REDIC1: variants seen among roughly 807,000 people sequenced by gnomAD.
REDIC1 encodes regulator of DNA class I crossover intermediates 1, also known as HEI10 Interacting Protein 1.
chr12:39,764,652 G>A, the REDIC1 span: 1 of 1,582,088 alleles, frequency 6.3e-7, no homozygotes, highest in Admixed American at 1.9e-5. Flanking sequence ...AAAATAGCAT[G>A]TAAGAAATTT....
chr12:39,805,684 C>T, the REDIC1 span, among the ~76,000 whole-genome samples: 5 of 152,290 alleles, frequency 3.3e-5, no homozygotes, highest in African/African-American at 1.2e-4. Context: ...CTTAAATAAT[C>T]TGCTAATTAA....
the REDIC1 span, among the ~76,000 whole-genome samples, chr12:39,737,161 T>C: frequency 2.3e-4 from 35 of 152,348 alleles, 1 homozygote; most frequent in Admixed American, 2.0e-3. Context: ...ATAACTCCAG[T>C]TGGTGATATT....
the REDIC1 span, among the ~76,000 whole-genome samples, chr12:39,698,219 A>T: frequency 3.3e-5 from 5 of 152,182 alleles, no homozygotes; most frequent in Non-Finnish European, 5.9e-5. Flanking sequence ...ATGTTAAGAG[A>T]TGAGACCATT....
chr12:39,859,250 T>C, the REDIC1 span, among the ~76,000 whole-genome samples: 1 of 139,894 alleles, frequency 7.1e-6, no homozygotes, highest in Non-Finnish European at 1.5e-5. Flanking sequence ...GGTTTAACAA[T>C]GTTCAAGAAG....
At chr12:39,626,312 C>T in the REDIC1 span, 4 of 1,613,712 alleles carry the variant, frequency 2.5e-6, no homozygotes, top group Admixed American at 1.7e-5. Context: ...GACACAGGGA[C>T]CTCAGTGTCA....
chr12:39,749,162 T>C, the REDIC1 span, among the ~76,000 whole-genome samples: 1 of 152,062 alleles, frequency 6.6e-6, no homozygotes, highest in Non-Finnish European at 1.5e-5. Flanking sequence ...AAAAAATTGA[T>C]AGACCACTAG....
chr12:39,683,915 G>A, the REDIC1 span, among the ~76,000 whole-genome samples: 3 of 152,122 alleles, frequency 2.0e-5, no homozygotes, highest in Non-Finnish European at 4.4e-5. Context: ...ACTATAGGGA[G>A]TGATAGAATT....
the REDIC1 span, among the ~76,000 whole-genome samples, chr12:39,781,500 T>A: frequency 6.6e-6 from 1 of 152,236 alleles, no homozygotes; most frequent in Non-Finnish European, 1.5e-5. Context: ...AATACATATT[T>A]GTTTAATGAA....
chr12:39,807,199 G>A, the REDIC1 span, among the ~76,000 whole-genome samples: 1 of 152,164 alleles, frequency 6.6e-6, no homozygotes, highest in Non-Finnish European at 1.5e-5. Context: ...TTAAGGACAG[G>A]GCCACGTAGG....
At chr12:39,653,558 T>TTCTTCTTCTTTCTTCTTCTTCTTC in the REDIC1 span, among the ~76,000 whole-genome samples, 1 of 43,880 alleles carries the variant, frequency 2.3e-5, no homozygotes, top group Non-Finnish European at 5.4e-5. Context: ...CTTCTTCTTC[T>TTCTTCTTCTTTCTTCTTCTTCTTC]TTCTTCTTCT....
chr12:39,831,776 C>T, the REDIC1 span, among the ~76,000 whole-genome samples: 1 of 152,100 alleles, frequency 6.6e-6, no homozygotes, highest in East Asian at 1.9e-4. Context: ...TCTTCTCTCT[C>T]TTGCTCCCAC....
chr12:39,864,074 G>A, the REDIC1 span, among the ~76,000 whole-genome samples: 1 of 152,184 alleles, frequency 6.6e-6, no homozygotes, highest in Non-Finnish European at 1.5e-5. Flanking sequence ...TTGAAGCTCT[G>A]CTGCCAAATA....
At chr12:39,629,272 AG>A in the REDIC1 span, among the ~76,000 whole-genome samples, 1 of 152,224 alleles carries the variant, frequency 6.6e-6, no homozygotes, top group East Asian at 1.9e-4. Flanking sequence ...GAAAAATGTT[AG>A]TTTGCGATAC....
the REDIC1 span, among the ~76,000 whole-genome samples, chr12:39,770,131 G>A: frequency 6.6e-6 from 1 of 151,794 alleles, no homozygotes; most frequent in Non-Finnish European, 1.5e-5. Context: ...TCTAAATATA[G>A]GTGTCCTCTA....
At chr12:39,894,295 A>G in the REDIC1 span, among the ~76,000 whole-genome samples, 1 of 152,210 alleles carries the variant, frequency 6.6e-6, no homozygotes, top group African/African-American at 2.4e-5. Context: ...ATTCTAATTC[A>G]CTGAGCACTG....
At chr12:39,706,329 A>T in the REDIC1 span, among the ~76,000 whole-genome samples, 6 of 152,198 alleles carry the variant, frequency 3.9e-5, no homozygotes, top group East Asian at 1.2e-3. Flanking sequence ...ACATGGAAAG[A>T]TATTCCCTGT....
chr12:39,795,166 C>T, the REDIC1 span, among the ~76,000 whole-genome samples: 3 of 151,924 alleles, frequency 2.0e-5, no homozygotes, highest in South Asian at 2.1e-4. Context: ...ATTATCCTAA[C>T]GTCTCTTATA....
At chr12:39,692,171 A>C in the REDIC1 span, 1 of 1,349,540 alleles carries the variant, frequency 7.4e-7, no homozygotes, top group Non-Finnish European at 9.9e-7. Context: ...ATTAAATAGA[A>C]ATCAGTTAAA....
chr12:39,660,521 T>A, the REDIC1 span, among the ~76,000 whole-genome samples: 66 of 152,274 alleles, frequency 4.3e-4, 2 homozygotes, highest in East Asian at 0.012. Flanking sequence ...AATTTTTTAT[T>A]GATACATATT....
Sources: gnomAD v4.1 joint callset for allele counts (sites outside exome capture counted in the v4.1 genomes callset) on GRCh38, gnomAD v4.1.1 for gene constraint, MANE v1.5 for transcripts, NCBI Gene and HGNC (gene_info 2026-07-23, HGNC 2026-07-21) for gene names.